Variants in SKOR1 observed in about 807,000 individuals in gnomAD.
SKOR1 encodes the protein SKI family transcriptional corepressor 1, also known as LBX1 corepressor 1.
Under a neutral mutation model 72.4 loss-of-function variants are expected in SKOR1, and 38 were observed. That is an observed-to-expected ratio of 0.52 (90% confidence interval 0.40 to 0.69). SKOR1 has a LOEUF of 0.69. Ranked by LOEUF, SKOR1 falls within the 30% of genes least tolerant of loss-of-function variation. The pLI is 0.00. For missense variants in SKOR1, 1,320 were observed against 1,343.2 expected, an observed-to-expected ratio of 0.98 and a Z score of 0.27; for synonymous variants, 642 against 599.4, an observed-to-expected ratio of 1.07 and a Z score of -1.04.
Position 67,830,847 on chromosome 15 carries a change from G to A in SKOR1, c.2545G>A (p.Gly849Arg), listed in dbSNP as rs901165136. Residue 849 changes from glycine to arginine, a missense_variant, in exon 5 of 9, where the codon GGA becomes AGA. Physicochemically the swap from Gly to Arg is moderately radical, Grantham distance 125. This residue lies in a region of SKOR1 where 1,099 missense variants were observed against 1,025.5 expected (regional missense o/e 1.07). Transcript: ENST00000380035. ...AGATGGGCTTACCTTGGATGTCACA[G>A]GAACTCATTTGGTGGAGAAAGATAT... ...GEDGLTLDVTGTHLVEKDIEN... is the reference protein window; with the variant it reads ...GEDGLTLDVTRTHLVEKDIEN... 1.2e-6 allele frequency: 2 copies of A among 1,614,192 alleles called. No individual in the cohort carries two copies. The highest frequency in any genetic ancestry group is 1.3e-5 in the African/African-American group (1 of 75,046).
At position 67,832,248 on chromosome 15, in the gene SKOR1, T is replaced by C. The variant is rs751448368; in HGVS notation, c.2588-26T>C. The C allele has an allele frequency of 6.8e-6, 11 of 1,611,748 alleles. No homozygotes were observed. Among genetic ancestry groups the C allele is most frequent in the Non-Finnish European group, 9.3e-6 (11 of 1,178,106 alleles). On this transcript the variant is annotated intron_variant, in intron 5 of 8. Transcript: ENST00000380035. This position sits in a 1 kb window ranked among gnomAD's most constrained non-coding sequence, Gnocchi z 4.5. The stretch of plus-strand genomic sequence containing the variant: ...AATAACCCTGCTTTACCTCCCACTT[T>C]ACCTCCCACTTTTCCCCTTTCACAG...
chr15:67,833,356 C>A lies in SKOR1; in HGVS notation c.2803+99C>A. On this transcript the variant is annotated intron_variant, in intron 8 of 8. Coordinates refer to ENST00000380035, the MANE Select transcript of SKOR1 (RefSeq NM_001365915.1). The surrounding 1 kb of genome is among the most constrained non-coding windows in gnomAD (Gnocchi z 6.0). ...TGGGACTAGTGAGGAAGGCCACGATCCACGTGGATCAGGATCTGTGAGGGA... is the reference window on the plus strand; with the variant it reads ...TGGGACTAGTGAGGAAGGCCACGATACACGTGGATCAGGATCTGTGAGGGA... The A allele has an allele frequency of 8.2e-7, 1 of 1,218,074 alleles. No homozygotes were observed. Among genetic ancestry groups the A allele is most frequent in the Non-Finnish European group, 1.2e-6 (1 of 830,570 alleles). The allele number at this position is 1,218,074 out of a possible 1,614,324, so 75.5% of individuals were successfully genotyped here. A position where few individuals can be genotyped will look rare whatever the true frequency, so the allele number is the denominator to read the frequency against.
rs1171372725 is a variant in SKOR1, at chr15:67,827,602, G to A, written c.1774G>A (p.Val592Met). 16 of 1,528,272 alleles carry A rather than the reference G, an allele frequency of 1.0e-5. No individual in the cohort carries two copies. Among genetic ancestry groups the A allele is most frequent in the Admixed American group, 2.0e-5 (1 of 49,960 alleles). 94.7% of individuals were successfully genotyped at this position (1,528,272 alleles called of 1,614,324 possible). Reference protein sequence around the residue: ...PPPPARKGSYVSAFRPVVKDT... With the variant: ...PPPPARKGSYMSAFRPVVKDT... ...GCCGCCCGCACGCAAAGGCTCCTAC[G>A]TGTCGGCCTTCCGGCCGGTGGTCAA... Residue 592 changes from valine to methionine, a missense_variant, in exon 2 of 9, where the codon GTG (valine) becomes ATG (methionine). Coordinates refer to ENST00000380035, the MANE Select transcript of SKOR1 (RefSeq NM_001365915.1).
In SKOR1 at chr15:67,827,835, C is replaced by A. The variant is rs1341562770; in HGVS notation, c.2007C>A (p.Pro669=). 4.4e-6 allele frequency: 7 copies of A among 1,595,058 alleles called. No individual in the cohort carries two copies. Among genetic ancestry groups the A allele is most frequent in the Non-Finnish European group, 5.1e-6 (6 of 1,171,604 alleles). ...PEVDVESNRF[P]DDEDAQEETE... ...TGGACGTGGAATCCAACCGCTTCCCCGACGACGAGGACGCCCAAGAGGAGA... is the reference window on the plus strand; with the variant it reads ...TGGACGTGGAATCCAACCGCTTCCCAGACGACGAGGACGCCCAAGAGGAGA... Residue 669 remains proline, a synonymous_variant, in exon 2 of 9, where the codon CCC becomes CCA. Coordinates refer to ENST00000380035, the MANE Select transcript of SKOR1 (RefSeq NM_001365915.1).
At position 67,830,322 on chromosome 15, in the gene SKOR1, G is replaced by A. The variant is rs189865211; in HGVS notation, c.2515+24G>A. On this transcript the variant is annotated intron_variant, in intron 4 of 8. Transcript: ENST00000380035. ...AGGTGAGCCAGCCCTTGAACCCATC[G>A]CTCTCCACCGCACCCAGGAGCTGGG... 7.3e-5 allele frequency: 117 copies of A among 1,600,970 alleles called. No homozygotes were observed. The African/African-American group carries it at 1.4e-3, about 19-fold the overall frequency.
chr15:67,828,260 G>A (rs1356301843), intron 2 of SKOR1, 116 bp downstream of exon 2: 10 of 1,344,524 alleles, frequency 7.4e-6, no homozygotes, highest in African/African-American at 4.6e-5. Context: ...GGAGCAGCAG[G>A]CCTCGGCCAC....
Position 67,827,210 on chromosome 15 carries a change from G to C in SKOR1, c.1382G>C (p.Trp461Ser), listed in dbSNP as rs1351918043. 4.5e-6 allele frequency: 7 copies of C among 1,540,690 alleles called. No individual in the cohort carries two copies. The highest frequency in any genetic ancestry group is 6.1e-6 in the Non-Finnish European group (7 of 1,152,462). The change falls in exon 2 of 9, where the codon TGG (tryptophan) becomes TCG (serine). Residue 461 changes from tryptophan to serine, a missense_variant. This residue lies in a region of SKOR1 where 1,099 missense variants were observed against 1,025.5 expected (regional missense o/e 1.07). Transcript: ENST00000380035. ...GGCCCGGGCGGCGGCGCCATGTTCT[G>C]GGGGCATCAACCCTCCGGGGCAGCC... ...GAGPGGGAMF[W>S]GHQPSGAAKD...
At position 67,832,497 on chromosome 15, in the gene SKOR1, A is replaced by G; in HGVS notation, c.2663-110A>G. The G allele has an allele frequency of 8.0e-7, 1 of 1,255,696 alleles. No homozygotes were observed. Among genetic ancestry groups the G allele is most frequent in the Non-Finnish European group, 1.1e-6 (1 of 880,224 alleles). 77.8% of individuals were successfully genotyped at this position (1,255,696 alleles called of 1,614,324 possible). On this transcript the variant is annotated intron_variant, in intron 6 of 8. Coordinates refer to ENST00000380035, the MANE Select transcript of SKOR1 (RefSeq NM_001365915.1). The surrounding 1 kb of genome is among the most constrained non-coding windows in gnomAD (Gnocchi z 4.5). ...TGTCCTTTTCCAGGGCTGCAGGCGA[A>G]TGGCTGGGTGGGAGTTGGGGGTAGG...
Position 67,829,559 on chromosome 15 carries a change from A to G in SKOR1, c.2407+290A>G, listed in dbSNP as rs193015766. Among the ~76,000 whole-genome samples the G allele has an allele frequency of 7.7e-4, 118 of 152,330 alleles. 1 individual carries two copies. Among genetic ancestry groups the G allele is most frequent in the African/African-American group, 2.7e-3 (114 of 41,586 alleles). On this transcript the variant is annotated intron_variant, in intron 3 of 8. Coordinates refer to ENST00000380035, the MANE Select transcript of SKOR1 (RefSeq NM_001365915.1). ...CAAAATCACGCCCGACACGGCCTTC[A>G]AATCCTCTCATTTATTCAGCAAGTG...
At chr15:67,831,692 G>A (rs1319955418) in intron 5 of SKOR1, among the ~76,000 whole-genome samples, 1 of 152,070 alleles carries the variant, frequency 6.6e-6, no homozygotes, top group East Asian at 1.9e-4. Flanking sequence ...ACAAGCATTG[G>A]TGGTCTTCCA....
chr15:67,825,873 G>C lies in SKOR1; in HGVS notation c.108-63G>C, dbSNP rs890611085. 1.4e-5 allele frequency: 21 copies of C among 1,509,860 alleles called. No homozygotes were observed. The South Asian group carries it at 2.7e-4, about 19-fold the overall frequency. The allele number at this position is 1,509,860 out of a possible 1,614,324, so 93.5% of individuals were successfully genotyped here. The stretch of plus-strand genomic sequence containing the variant: ...CAACTCGGAGCGCCCTGCTGGGCGG[G>C]CCCGAGCCTCGGCGGCGGCGCTGAA... On this transcript the variant is annotated intron_variant, in intron 1 of 8. Coordinates refer to ENST00000380035, the MANE Select transcript of SKOR1 (RefSeq NM_001365915.1). This position sits in a 1 kb window ranked among gnomAD's most constrained non-coding sequence, Gnocchi z 5.6.
chr15:67,825,962 C>G lies in SKOR1; in HGVS notation c.134C>G (p.Thr45Ser), dbSNP rs752127091. 2 of 1,522,956 alleles carry G rather than the reference C, an allele frequency of 1.3e-6. No individual in the cohort carries two copies. Among genetic ancestry groups the G allele is most frequent in the Non-Finnish European group, 1.8e-6 (2 of 1,136,964 alleles). 94.3% of individuals were successfully genotyped at this position (1,522,956 alleles called of 1,614,324 possible). ...LRSGGMEALT[T>S]QLGPGREGSS... ...AGCGGCGGCATGGAGGCTCTCACCA[C>G]TCAGCTGGGGCCGGGGCGCGAGGGC... Residue 45 changes from threonine (T) to serine (S), a missense_variant, in exon 2 of 9, where the codon ACT (threonine) becomes AGT (serine). This residue lies in a region of SKOR1 where 120 missense variants were observed against 104.9 expected (regional missense o/e 1.14). Coordinates refer to ENST00000380035, the MANE Select transcript of SKOR1 (RefSeq NM_001365915.1). This position sits in a 1 kb window ranked among gnomAD's most constrained non-coding sequence, Gnocchi z 5.6.
Position 67,828,013 on chromosome 15 carries a change from G to T in SKOR1, c.2185G>T (p.Gly729Cys), listed in dbSNP as rs1284142078. 4.5e-6 allele frequency: 7 copies of T among 1,539,944 alleles called. No homozygotes were observed. In the South Asian group the frequency reaches 6.0e-5, roughly 13 times the overall value. The stretch of plus-strand genomic sequence containing the variant: ...GCGCCGCCTCGGGCCACCCCCAGCT[G>T]GCCGGCCCGCATTTGGGGACTTGGC... ...PRRRLGPPPA[G>C]RPAFGDLAAE... is the part of the protein sequence containing the mutation. The change falls in exon 2 of 9, where the codon GGC (glycine) becomes TGC (cysteine). Residue 729 changes from glycine (G) to cysteine (C), a missense_variant. Physicochemically the swap from Gly to Cys is radical, Grantham distance 159 (BLOSUM62 -3). Transcript: ENST00000380035.
chr15:67,832,697 G>C lies in SKOR1; in HGVS notation c.2737+16G>C, dbSNP rs1456585385. 1.2e-6 allele frequency: 2 copies of C among 1,612,346 alleles called. No individual in the cohort carries two copies. Among genetic ancestry groups the C allele is most frequent in the South Asian group, 2.2e-5 (2 of 91,002 alleles). On this transcript the variant is annotated intron_variant, in intron 7 of 8. Transcript: ENST00000380035. This position sits in a 1 kb window ranked among gnomAD's most constrained non-coding sequence, Gnocchi z 4.5. ...ATTGTCAGAGGTAAGACGGGAGTCA[G>C]GTGAGCTCGTGCACGGGCCGTAACT...
chr15:67,832,635 A>G lies in SKOR1; in HGVS notation c.2691A>G (p.Glu897=), dbSNP rs1341114297. The G allele has an allele frequency of 1.9e-6, 3 of 1,613,926 alleles. No homozygotes were observed. The South Asian group carries it at 3.3e-5, about 18-fold the overall frequency. ...ATTTTCAGGATCAAATGAAGAGGGA[A>G]TTGGCTTATCGAGAAGAAATGGTGC... The part of the protein sequence containing the change: ...KDNFQDQMKR[E]LAYREEMVQQ... The change falls in exon 7 of 9, where the codon GAA becomes GAG. Residue 897 remains glutamate, a synonymous_variant. Transcript: ENST00000380035. This position sits in a 1 kb window ranked among gnomAD's most constrained non-coding sequence, Gnocchi z 4.5.
chr15:67,826,101 C>G lies in SKOR1; in HGVS notation c.273C>G (p.Val91=). The G allele has an allele frequency of 6.3e-7, 1 of 1,599,576 alleles. No homozygotes were observed. The highest frequency in any genetic ancestry group is 8.5e-7 in the Non-Finnish European group (1 of 1,170,140). Residue 91 remains valine, a synonymous_variant, in exon 2 of 9, where the codon GTC becomes GTG. Coordinates refer to ENST00000380035, the MANE Select transcript of SKOR1 (RefSeq NM_001365915.1). ...ACGGGGTGCCCATTGTGTCGCTGGT[C>G]ATCGACGGCCAGGAGCGCCTATGCC... ...SLYGVPIVSL[V]IDGQERLCLA... is the part of the protein sequence containing the mutation.
rs1274852588 is a variant in SKOR1 at position 67,826,407 on chromosome 15, T to C, written c.579T>C (p.Gly193=). 1 of 1,613,814 alleles carries C rather than the reference T, an allele frequency of 6.2e-7. No homozygotes were observed. Among genetic ancestry groups the C allele is most frequent in the African/African-American group, 1.3e-5 (1 of 74,942 alleles). The stretch of plus-strand genomic sequence containing the variant: ...ACGAGTGCGCGTGGGGCTCGCGTGG[T>C]AGCTTCATCCCTGCGCGTTACAACA... The part of the protein sequence containing the change: ...VVHECAWGSR[G]SFIPARYNSS... Residue 193 remains glycine, a synonymous_variant, in exon 2 of 9, where the codon GGT becomes GGC. Coordinates refer to ENST00000380035, the MANE Select transcript of SKOR1 (RefSeq NM_001365915.1).
In SKOR1 at chr15:67,832,445, C is replaced by T; in HGVS notation, c.2662+97C>T. 1 of 1,399,244 alleles carries T rather than the reference C, an allele frequency of 7.1e-7. No individual in the cohort carries two copies. Among genetic ancestry groups the T allele is most frequent in the Non-Finnish European group, 1.0e-6 (1 of 992,504 alleles). The allele number at this position is 1,399,244 out of a possible 1,614,324, so 86.7% of individuals were successfully genotyped here. A position where few individuals can be genotyped will look rare whatever the true frequency, so the allele number is the denominator to read the frequency against. ...AAAGCCGGGTGCCAGGCAACTGGTA[C>T]TAGGTGCCCTGCAGGAGACAAGAAA... On this transcript the variant is annotated intron_variant, in intron 6 of 8. Transcript: ENST00000380035. The surrounding 1 kb of genome is among the most constrained non-coding windows in gnomAD (Gnocchi z 4.5).
chr15:67,829,865 A>C (rs1210695298), intron 3 of SKOR1, among the ~76,000 whole-genome samples: 2 of 152,140 alleles, frequency 1.3e-5, no homozygotes, highest in African/African-American at 4.8e-5. Context: ...AGTCGGGCGG[A>C]CAGACCCGGC....
Sources: allele counts gnomAD v4.1 joint callset (sites outside exome capture counted in the v4.1 genomes callset), GRCh38; gene constraint gnomAD v4.1.1; regional missense constraint gnomAD v4.1.1; non-coding constraint Gnocchi (gnomAD v3.1); transcripts MANE v1.5; gene names NCBI Gene and HGNC (gene_info 2026-07-23, HGNC 2026-07-21).